The following IRAK1BP1 variants were observed in gnomAD, a reference collection of about 807,000 sequenced individuals.
IRAK1BP1 encodes the protein interleukin-1 receptor-associated kinase 1-binding protein 1.
IRAK1BP1 carries 24 observed loss-of-function variants against 28.0 expected under a neutral mutation model. The observed-to-expected ratio is 0.86, with a 90% CI of 0.62 to 1.20. The LOEUF (loss-of-function observed/expected upper bound fraction) is 1.20, where lower values mean the gene tolerates loss of function less well. Among genes scored for constraint, IRAK1BP1 ranks in the 50% most tolerant of loss-of-function variants. The pLI is 0.00. For missense variants in IRAK1BP1, 336 were observed against 316.7 expected (o/e 1.06, Z -0.46); for synonymous variants, 131 against 116.3 (o/e 1.13, Z -0.81).
chr6:78,932,434 T>C (rs950042436), intron 4 of IRAK1BP1, among the ~76,000 whole-genome samples: 2 of 149,850 alleles, frequency 1.3e-5, no homozygotes, highest in African/African-American at 4.9e-5. Flanking sequence ...TTTTTTTTTT[T>C]TTTTGAGATG....
At chr6:78,913,085 C>T (rs1772469807) in intron 4 of IRAK1BP1, among the ~76,000 whole-genome samples, 2 of 152,150 alleles carry the variant, frequency 1.3e-5, no homozygotes, top group South Asian at 4.1e-4. Flanking sequence ...CCTGTAATCC[C>T]AGCACTTTGG....
chr6:78,903,720 A>G (rs936584030), downstream of IRAK1BP1, among the ~76,000 whole-genome samples: 9 of 151,910 alleles, frequency 5.9e-5, no homozygotes, highest in African/African-American at 2.2e-4. Flanking sequence ...GGGGTCAGGC[A>G]GTGACAGTAC....
At chr6:78,976,561 A>C in the IRAK1BP1 span, among the ~76,000 whole-genome samples, 2 of 130,300 alleles carry the variant, frequency 1.5e-5, no homozygotes, top group Admixed American at 8.1e-5. Context: ...TGCACAGCAA[A>C]AGAAACTACC....
At chr6:78,943,695 G>A (rs1294333131) in intron 4 of IRAK1BP1, among the ~76,000 whole-genome samples, 1 of 152,054 alleles carries the variant, frequency 6.6e-6, no homozygotes, top group African/African-American at 2.4e-5. Flanking sequence ...ACATAAAGAT[G>A]GAAGTGCTTG....
the IRAK1BP1 span, among the ~76,000 whole-genome samples, chr6:78,967,809 G>A: frequency 3.9e-5 from 6 of 152,060 alleles, no homozygotes; most frequent in Admixed American, 6.6e-5. Flanking sequence ...TATTTGTTCC[G>A]CAATTTATTG....
chr6:78,925,995 TG>T (rs1359824680), intron 4 of IRAK1BP1, among the ~76,000 whole-genome samples: 2 of 151,946 alleles, frequency 1.3e-5, no homozygotes, highest in Non-Finnish European at 2.9e-5. Context: ...TGATTAAACA[TG>T]GGCACAAAGA....
chr6:78,975,656 G>A, the IRAK1BP1 span, among the ~76,000 whole-genome samples: 15 of 152,250 alleles, frequency 9.9e-5, no homozygotes, highest in South Asian at 2.9e-3. Context: ...TCCTTAAGCT[G>A]ATAAGCAACT....
At chr6:78,924,390 A>T (rs551434273) in intron 4 of IRAK1BP1, among the ~76,000 whole-genome samples, 1 of 152,294 alleles carries the variant, frequency 6.6e-6, no homozygotes, top group Admixed American at 6.5e-5. Context: ...CCCTGAATAG[A>T]GCAATAACAG....
At chr6:78,952,720 T>C in the IRAK1BP1 span, among the ~76,000 whole-genome samples, 2 of 152,166 alleles carry the variant, frequency 1.3e-5, no homozygotes, top group African/African-American at 4.8e-5. Flanking sequence ...TACATTTCAT[T>C]TCCAGGATTC....
chr6:78,978,915 A>C, the IRAK1BP1 span, among the ~76,000 whole-genome samples: 635 of 152,244 alleles, frequency 4.2e-3, 2 homozygotes, highest in Middle Eastern at 0.01. Context: ...TGGAAAAAAA[A>C]TTCCACAAAG....
At chr6:78,973,999 T>C in the IRAK1BP1 span, among the ~76,000 whole-genome samples, 5 of 152,094 alleles carry the variant, frequency 3.3e-5, no homozygotes, top group African/African-American at 9.7e-5. Flanking sequence ...TACCCAGGAA[T>C]TGAACTCAGC....
chr6:78,969,878 C>T, the IRAK1BP1 span: 2 of 1,599,838 alleles, frequency 1.3e-6, no homozygotes, highest in Non-Finnish European at 1.7e-6. Flanking sequence ...ATTGTTGTCT[C>T]AAGACTAGGA....
At chr6:78,911,825 G>T (rs1313969055) in intron 4 of IRAK1BP1, among the ~76,000 whole-genome samples, 1 of 152,160 alleles carries the variant, frequency 6.6e-6, no homozygotes, top group African/African-American at 2.4e-5. Context: ...AGCATATAGA[G>T]GCTAAGAGAG....
the IRAK1BP1 span, chr6:78,955,427 TCCC>T: frequency 6.4e-6 from 4 of 627,370 alleles, no homozygotes; most frequent in Non-Finnish European, 1.0e-5. Context: ...TTAAAAAGGT[TCCC>T]CCCATTAAAA....
the IRAK1BP1 span, chr6:78,955,824 T>C: frequency 2.2e-6 from 1 of 460,202 alleles, no homozygotes; most frequent in Non-Finnish European, 3.9e-6. Flanking sequence ...CTCCAATAAT[T>C]TATGCACACA....
At chr6:78,966,454 C>G in the IRAK1BP1 span, among the ~76,000 whole-genome samples, 1 of 152,124 alleles carries the variant, frequency 6.6e-6, no homozygotes, top group African/African-American at 2.4e-5. Flanking sequence ...TTTCTGTAAG[C>G]AAGTTTCCCC....
intron 1 of IRAK1BP1, chr6:78,871,236 A>G (rs1383792929): frequency 1.0e-6 from 1 of 983,370 alleles, no homozygotes; most frequent in African/African-American, 1.8e-5. Context: ...CTGTAGGCAT[A>G]AAATGACCTC....
At chr6:78,906,752 C>T (rs1351276962), downstream of IRAK1BP1, among the ~76,000 whole-genome samples, 1 of 152,072 alleles carries the variant, frequency 6.6e-6, no homozygotes, top group East Asian at 1.9e-4. Flanking sequence ...GATGATTATA[C>T]CAGTGTTTTA....
At chr6:78,969,024 T>C in the IRAK1BP1 span, among the ~76,000 whole-genome samples, 1 of 152,226 alleles carries the variant, frequency 6.6e-6, no homozygotes, top group Non-Finnish European at 1.5e-5. Flanking sequence ...GGGGATTCCA[T>C]TCTTTTCCCT....
Sources: allele counts gnomAD v4.1 joint callset (sites outside exome capture counted in the v4.1 genomes callset), GRCh38; gene constraint gnomAD v4.1.1; transcripts MANE v1.5; gene names NCBI Gene and HGNC (gene_info 2026-07-23, HGNC 2026-07-21).